Variants in RBM34 observed in about 807,000 individuals in gnomAD.
The protein encoded by RBM34 is RNA binding motif protein 34.
In RBM34, 39 loss-of-function variants were observed where a neutral mutation model predicts 44.6. The observed-to-expected ratio is 0.87, with a 90% CI of 0.68 to 1.14. RBM34 has a LOEUF of 1.14. RBM34 is among the 50% of genes most tolerant of loss of function. The pLI is 0.00. For synonymous variants in RBM34, 194 were observed against 184.0 expected, an observed-to-expected ratio of 1.05 and a Z score of -0.44; for missense variants, 572 against 517.9, an observed-to-expected ratio of 1.10 and a Z score of -1.01.
intron 6 of RBM34, among the ~76,000 whole-genome samples, chr1:235,144,789 TC>T (rs1425584411): frequency 6.6e-6 from 1 of 152,166 alleles, no homozygotes; most frequent in Non-Finnish European, 1.5e-5. Context: ...ATGCCTGTAA[TC>T]CCAGCACTTT....
chr1:235,153,015 GC>G (rs146607527), intron 4 of RBM34, among the ~76,000 whole-genome samples: 29,497 of 151,560 alleles, frequency 0.19, 3,006 homozygotes, highest in African/African-American at 0.21. Flanking sequence ...GATTACAGGC[GC>G]CCGCCACCAT....
intron 6 of RBM34, among the ~76,000 whole-genome samples, chr1:235,140,949 T>C (rs566798059): frequency 7.7e-4 from 117 of 152,208 alleles, no homozygotes; most frequent in African/African-American, 2.7e-3. Context: ...GCACTCTGTA[T>C]CTAGCTCAAG....
At position 235,137,540 on chromosome 1, in the gene RBM34, A is replaced by AT. The variant is rs558945575; in HGVS notation, c.849+336dup. Among the ~76,000 whole-genome samples the AT allele has an allele frequency of 7.4e-3, 1,038 of 140,724 alleles. 13 individuals carry two copies. Among genetic ancestry groups the AT allele is most frequent in the African/African-American group, 0.021 (804 of 38,140 alleles). The allele number at this position is 140,724 out of a possible 152,430, so 92.3% of individuals were successfully genotyped here. ...TCGGCATGCATCACACACTTGACTA[A>AT]TTTTTTTTTTTTTTTTTGTAAAGGC... On this transcript the variant is annotated intron_variant, in intron 8 of 10. Coordinates refer to ENST00000408888, the MANE Select transcript of RBM34 (RefSeq NM_015014.4).
intron 4 of RBM34, 130 bp downstream of exon 4, chr1:235,154,751 A>C: frequency 1.3e-6 from 1 of 763,918 alleles, no homozygotes; most frequent in South Asian, 1.6e-5. Flanking sequence ...ACTGGAATCC[A>C]TTCATATTAG....
In RBM34 at chr1:235,148,327, G is replaced by A; in HGVS notation, c.701+77C>T. The stretch of plus-strand genomic sequence containing the variant: ...ATATATTAATAAAATCTATGCAATT[G>A]TTAAGAAATGGTCTCACTTTTTAGC... On this transcript the variant is annotated intron_variant, in intron 6 of 10. Transcript: ENST00000408888. The A allele has an allele frequency of 3.6e-6, 4 of 1,104,628 alleles. No homozygotes were observed. The South Asian group carries it at 6.1e-5, about 17-fold the overall frequency. The allele number at this position is 1,104,628 out of a possible 1,614,324, so 68.4% of individuals were successfully genotyped here.
Position 235,161,210 on chromosome 1 carries a change from A to T in RBM34, c.17T>A (p.Met6Lys), listed in dbSNP as rs746595883. The T allele has an allele frequency of 1.2e-6, 2 of 1,611,882 alleles. No individual in the cohort carries two copies. Among genetic ancestry groups the T allele is most frequent in the South Asian group, 1.1e-5 (1 of 90,862 alleles). The change falls in exon 1 of 11, where the codon ATG (methionine) becomes AAG (lysine). Residue 6 changes from methionine (M) to lysine (K), a missense_variant. Met to Lys is a moderately conservative substitution (Grantham distance 95, BLOSUM62 -1). Coordinates refer to ENST00000408888, the MANE Select transcript of RBM34 (RefSeq NM_015014.4). MALEG[M>K]SKRKRKRSVQ... ...ACTTCTCTTTCTCTTCCGTTTGCTC[A>T]TCCCTTCCAAGGCCATTCTTACTCC...
chr1:235,161,002 C>T lies in RBM34; in HGVS notation c.119G>A (p.Ser40Asn), dbSNP rs1396296367. The stretch of plus-strand genomic sequence containing the variant: ...ATGGTGTTCGCCGCGAAATAAGCTA[C>T]TGGCGACCTGTCCAAGCCTGTAGTC... Reference protein sequence around the residue: ...PEDYRLGQVASSLFRGEHHSR... With the variant: ...PEDYRLGQVANSLFRGEHHSR... Residue 40 changes from serine (S) to asparagine (N), a missense_variant, in exon 2 of 11, where the codon AGT becomes AAT. Ser to Asn is a conservative substitution (Grantham distance 46). Transcript: ENST00000408888. 6.2e-7 allele frequency: 1 copy of T among 1,614,200 alleles called. No homozygotes were observed. The highest frequency in any genetic ancestry group is 1.1e-5 in the South Asian group (1 of 91,082).
intron 3 of RBM34, among the ~76,000 whole-genome samples, chr1:235,157,341 T>G (rs1339073323): frequency 2.0e-5 from 3 of 151,996 alleles, no homozygotes; most frequent in African/African-American, 7.3e-5. Context: ...AAAAACAGCA[T>G]CATCAGGACT....
chr1:235,144,468 G>A (rs1215721420), intron 6 of RBM34, among the ~76,000 whole-genome samples: 5 of 144,394 alleles, frequency 3.5e-5, no homozygotes, highest in African/African-American at 7.9e-5. Flanking sequence ...TGTCAAATAT[G>A]TGCAGTTTAC....
chr1:235,158,276 G>A (rs1374739768), intron 3 of RBM34, among the ~76,000 whole-genome samples: 1 of 152,102 alleles, frequency 6.6e-6, no homozygotes, highest in African/African-American at 2.4e-5. Context: ...AATTAGCTGG[G>A]TGTGGTGGTG....
intron 3 of RBM34, among the ~76,000 whole-genome samples, chr1:235,159,212 CAAAA>C (rs1352095926): frequency 3.5e-5 from 3 of 84,634 alleles, no homozygotes; most frequent in African/African-American, 4.3e-5. Context: ...GACCTTGTCT[CAAAA>C]AAAAAAAAAA....
chr1:235,151,323 C>T (rs1227539115), intron 5 of RBM34, among the ~76,000 whole-genome samples: 1 of 152,048 alleles, frequency 6.6e-6, no homozygotes, highest in Non-Finnish European at 1.5e-5. Flanking sequence ...TGGAAGTAAG[C>T]AGATATATTG....
chr1:235,135,430 T>C (rs1429113360), intron 10 of RBM34, among the ~76,000 whole-genome samples: 1 of 151,922 alleles, frequency 6.6e-6, no homozygotes, highest in African/African-American at 2.4e-5. Flanking sequence ...GGTTTTACCA[T>C]GTGGGCCAGG....
In RBM34 at chr1:235,131,692, A is replaced by C; in HGVS notation, c.*21T>G. ...TTTATTAGCAGTACTCAGCAGGAAA[A>C]GAAAAAGCAGTTCCTGGTTGTTATT... On this transcript the variant is annotated 3_prime_UTR_variant, in exon 11 of 11. Coordinates refer to ENST00000408888, the MANE Select transcript of RBM34 (RefSeq NM_015014.4). 1.3e-6 allele frequency: 2 copies of C among 1,572,936 alleles called. No individual in the cohort carries two copies. Among genetic ancestry groups the C allele is most frequent in the Non-Finnish European group, 1.7e-6 (2 of 1,164,410 alleles).
In RBM34 at chr1:235,154,892, A is replaced by C; in HGVS notation, c.586T>G (p.Cys196Gly). ...TVFVGNLPVTCNKKKLKSFFK... is the reference protein window; with the variant it reads ...TVFVGNLPVTGNKKKLKSFFK... ...ATATACAAACTCACCTTCTTATTAC[A>C]TGTAACAGGCAAATTCCCAACAAAC... The change falls in exon 4 of 11, where the codon TGT (cysteine) becomes GGT (glycine). Residue 196 changes from cysteine (C) to glycine (G), a missense_variant. Cys to Gly is a radical substitution (Grantham distance 159). Transcript: ENST00000408888. The C allele has an allele frequency of 6.2e-7, 1 of 1,612,968 alleles. No homozygotes were observed. The highest frequency in any genetic ancestry group is 8.5e-7 in the Non-Finnish European group (1 of 1,179,142).
chr1:235,145,925 ACAGACACGTGCCTCCATGACCAGC>A (rs1416401191), intron 6 of RBM34, among the ~76,000 whole-genome samples: 1 of 149,854 alleles, frequency 6.7e-6, no homozygotes, highest in East Asian at 2.0e-4. Flanking sequence ...AGCTGGGACT[ACAGACACGTGCCTCCATGACCAGC>A]TAAAATATTA....
chr1:235,136,994 T>TC (rs568907981), intron 8 of RBM34, among the ~76,000 whole-genome samples: 1 of 152,098 alleles, frequency 6.6e-6, no homozygotes, highest in Non-Finnish European at 1.5e-5. Flanking sequence ...CTTTCTTTTT[T>TC]CCCCCCGCTT....
chr1:235,132,923 A>C (rs1352592457), intron 10 of RBM34, among the ~76,000 whole-genome samples: 29 of 152,236 alleles, frequency 1.9e-4, no homozygotes, highest in Admixed American at 1.9e-3. Context: ...ACGCTGTGAC[A>C]ATCTTTCTAA....
intron 3 of RBM34, chr1:235,160,157 C>G (rs1430539901): frequency 2.4e-6 from 1 of 411,736 alleles, no homozygotes; most frequent in Admixed American, 3.0e-5. Flanking sequence ...AGGGCCGAGG[C>G]AGGAGAATCG....
Sources: allele counts gnomAD v4.1 joint callset (sites outside exome capture counted in the v4.1 genomes callset), GRCh38; gene constraint gnomAD v4.1.1; transcripts MANE v1.5; gene names NCBI Gene and HGNC (gene_info 2026-07-23, HGNC 2026-07-21).